Variants in ZBTB26 observed in about 807,000 individuals in gnomAD.
The protein encoded by ZBTB26 is zinc finger and BTB domain-containing protein 26.
A neutral mutation model predicts 31.6 loss-of-function variants in ZBTB26; 12 were observed. That is an observed-to-expected ratio of 0.38 (90% CI 0.24 to 0.61). The LOEUF (loss-of-function observed/expected upper bound fraction) is 0.61. Among genes scored for constraint, ZBTB26 ranks in the 20% least tolerant of loss-of-function variants. The pLI is 0.60. For missense variants in ZBTB26, 311 were observed against 521.9 expected (o/e 0.60, Z 3.94); for synonymous variants, 155 against 182.9 (o/e 0.85, Z 1.23).
chr9:122,925,983 C>A (rs532375562), intron 1 of ZBTB26, among the ~76,000 whole-genome samples: 2 of 152,014 alleles, frequency 1.3e-5, no homozygotes, highest in Admixed American at 1.3e-4. Context: ...TGGTCTCGAA[C>A]TCCCGACCCG....
At chr9:122,924,544 G>A (rs934566834) in intron 1 of ZBTB26, among the ~76,000 whole-genome samples, 2 of 151,676 alleles carry the variant, frequency 1.3e-5, no homozygotes, top group African/African-American at 4.8e-5. Flanking sequence ...CTTCTTTTGA[G>A]TGCCTAGGGA....
Position 122,918,430 on chromosome 9 carries a change from G to A in ZBTB26, c.*179C>T. ...AACTCAAAACAGAAAATGGGAGAGG[G>A]CAAAAGTAAGGCAAATCCACTCCAA... On this transcript the variant is annotated 3_prime_UTR_variant, in exon 2 of 2. Coordinates refer to ENST00000373656, the MANE Select transcript of ZBTB26 (RefSeq NM_020924.4). 1 of 838,092 alleles carries A rather than the reference G, an allele frequency of 1.2e-6. No homozygotes were observed. The highest frequency in any genetic ancestry group is 1.8e-6 in the Non-Finnish European group (1 of 561,882). The allele number at this position is 838,092 out of a possible 1,614,324, so 51.9% of individuals were successfully genotyped here.
chr9:122,916,574 A>G lies in ZBTB26; in HGVS notation c.*2035T>C, dbSNP rs1833019906. Reference sequence around the variant, plus strand: ...CCCTGTGAAGAAATGATGTTGACAGAAAATACCAAAAAATGCTGTTTGGTT... The same window carrying G: ...CCCTGTGAAGAAATGATGTTGACAGGAAATACCAAAAAATGCTGTTTGGTT... On this transcript the variant is annotated 3_prime_UTR_variant, in exon 2 of 2. Coordinates refer to ENST00000373656, the MANE Select transcript of ZBTB26 (RefSeq NM_020924.4). 1 of 152,226 alleles carries G rather than the reference A, an allele frequency of 6.6e-6. No homozygotes were observed. The highest frequency in any genetic ancestry group is 1.5e-5 in the Non-Finnish European group (1 of 68,046). The allele number at this position is 152,226 out of a possible 1,614,324, so 9.4% of individuals were successfully genotyped here.
At chr9:122,920,194 C>A (rs1054782705) in intron 1 of ZBTB26, among the ~76,000 whole-genome samples, 1 of 152,210 alleles carries the variant, frequency 6.6e-6, no homozygotes, top group African/African-American at 2.4e-5. Flanking sequence ...GGCATTCGTT[C>A]AACTTTTAAA....
Position 122,919,504 on chromosome 9 carries a change from G to A in ZBTB26, c.431C>T (p.Ala144Val). ...CTGCTGTTCTTTTGACTGGGGAGAA[G>A]CACTCTGTGGTTCACATCCCTCTTT... ...DSKEGCEPQS[A>V]SPQSKEQQGD... is the part of the protein sequence containing the mutation. The change falls in exon 2 of 2, where the codon GCT becomes GTT. Residue 144 changes from alanine to valine, a missense_variant. Coordinates refer to ENST00000373656, the MANE Select transcript of ZBTB26 (RefSeq NM_020924.4). The surrounding 1 kb of genome is among the most constrained non-coding windows in gnomAD (Gnocchi z 6.1). 1.2e-6 allele frequency: 2 copies of A among 1,614,194 alleles called. No individual in the cohort carries two copies. Among genetic ancestry groups the A allele is most frequent in the Non-Finnish European group, 1.7e-6 (2 of 1,180,034 alleles).
At chr9:122,926,591 T>C (rs919369969) in intron 1 of ZBTB26, among the ~76,000 whole-genome samples, 3 of 152,310 alleles carry the variant, frequency 2.0e-5, no homozygotes, top group Non-Finnish European at 4.4e-5. Flanking sequence ...AGAAAATTCA[T>C]TGAGCTGCAC....
In ZBTB26 at chr9:122,918,825, C is replaced by T. The variant is rs1833054862; in HGVS notation, c.1110G>A (p.Arg370=). ...DMVFAHKPVL[R]KHLKQLHGKN... Reference sequence around the variant, plus strand: ...TGCCATGCAGCTGTTTAAGGTGTTTCCTCAAAACTGGTTTATGTGCAAAAA... The same window carrying T: ...TGCCATGCAGCTGTTTAAGGTGTTTTCTCAAAACTGGTTTATGTGCAAAAA... The change falls in exon 2 of 2, where the codon AGG becomes AGA. Residue 370 remains arginine (R), a synonymous_variant. Transcript: ENST00000373656. 3.1e-6 allele frequency: 5 copies of T among 1,614,094 alleles called. No individual in the cohort carries two copies. The highest frequency in any genetic ancestry group is 4.2e-6 in the Non-Finnish European group (5 of 1,180,010).
At chr9:122,928,988 A>G (rs1010313698) in intron 1 of ZBTB26, among the ~76,000 whole-genome samples, 2 of 152,248 alleles carry the variant, frequency 1.3e-5, no homozygotes, top group African/African-American at 2.4e-5. Flanking sequence ...GACATTTCCA[A>G]CAAAGAACTG....
chr9:122,930,626 G>T (rs972428403), intron 1 of ZBTB26, among the ~76,000 whole-genome samples: 1 of 151,994 alleles, frequency 6.6e-6, no homozygotes, highest in African/African-American at 2.4e-5. Flanking sequence ...TCTCCTTTAG[G>T]ATTACACCAT....
rs1833022654 is a variant in ZBTB26, at chr9:122,916,813, C to T, written c.*1796G>A. 6.6e-6 allele frequency: 1 copy of T among 152,196 alleles called. No homozygotes were observed. Among genetic ancestry groups the T allele is most frequent in the Non-Finnish European group, 1.5e-5 (1 of 68,020 alleles). The allele number at this position is 152,196 out of a possible 1,614,324, so 9.4% of individuals were successfully genotyped here. A position where few individuals can be genotyped will look rare whatever the true frequency, so the allele number is the denominator to read the frequency against. ...ATCTGACTCACATGATGATAATTTA[C>T]ATATGATAACAATGATACATGTAAA... On this transcript the variant is annotated 3_prime_UTR_variant, in exon 2 of 2. Transcript: ENST00000373656.
In ZBTB26 at chr9:122,920,191, G is replaced by A. The variant is rs77025524; in HGVS notation, c.-10-247C>T. On this transcript the variant is annotated intron_variant, in intron 1 of 1. Coordinates refer to ENST00000373656, the MANE Select transcript of ZBTB26 (RefSeq NM_020924.4). ...TATTTGTGTAAATAGCTTGGCATTCGTTCAACTTTTAAAGATACTTATACG... is the reference window on the plus strand; with the variant it reads ...TATTTGTGTAAATAGCTTGGCATTCATTCAACTTTTAAAGATACTTATACG... Among the ~76,000 whole-genome samples the A allele has an allele frequency of 5.6e-3, 850 of 152,272 alleles. 6 individuals carry two copies. Among genetic ancestry groups the A allele is most frequent in the African/African-American group, 0.019 (773 of 41,564 alleles).
At chr9:122,928,333 C>T (rs1168159488) in intron 1 of ZBTB26, among the ~76,000 whole-genome samples, 1 of 151,978 alleles carries the variant, frequency 6.6e-6, no homozygotes, top group African/African-American at 2.4e-5. Flanking sequence ...CCAAGTCTCG[C>T]TCTGTTGCCC....
intron 1 of ZBTB26, chr9:122,930,954 C>A (rs971485989): frequency 2.6e-5 from 4 of 152,250 alleles, no homozygotes; most frequent in Non-Finnish European, 5.9e-5. Flanking sequence ...AAAACTGGAA[C>A]AATATCTTGC....
Position 122,919,046 on chromosome 9 carries a change from G to A in ZBTB26, c.889C>T (p.Leu297Phe). 6.2e-7 allele frequency: 1 copy of A among 1,614,214 alleles called. No individual in the cohort carries two copies. The highest frequency in any genetic ancestry group is 8.5e-7 in the Non-Finnish European group (1 of 1,180,040). The change falls in exon 2 of 2, where the codon CTC (leucine) becomes TTC (phenylalanine). Residue 297 changes from leucine to phenylalanine, a missense_variant. Physicochemically the swap from Leu to Phe is conservative, Grantham distance 22. Transcript: ENST00000373656. The surrounding 1 kb of genome is among the most constrained non-coding windows in gnomAD (Gnocchi z 6.1). ...NYANHLKMHK[L>F]FMCLLCGKTF... ...TTGCCGCAGAGTAGACACATAAAGA[G>A]TTTGTGCATTTTTAAATGGTTGGCG...
rs747891706 is a variant in ZBTB26 at position 122,918,993 on chromosome 9, A to G, written c.942T>C (p.His314=). 6.2e-7 allele frequency: 1 copy of G among 1,614,086 alleles called. No individual in the cohort carries two copies. Among genetic ancestry groups the G allele is most frequent in the African/African-American group, 1.3e-5 (1 of 74,934 alleles). Residue 314 remains histidine (H), a synonymous_variant, in exon 2 of 2, where the codon CAT becomes CAC. Coordinates refer to ENST00000373656, the MANE Select transcript of ZBTB26 (RefSeq NM_020924.4). ...GKTFTQKGNL[H]RHMRVHAGIK... is the part of the protein sequence containing the mutation. ...TTCCGGCATGCACACGCATGTGTCG[A>G]TGAAGGTTGCCTTTCTGAGTGAAAG...
At chr9:122,928,627 A>AT (rs1490432825) in intron 1 of ZBTB26, among the ~76,000 whole-genome samples, 1 of 151,728 alleles carries the variant, frequency 6.6e-6, no homozygotes, top group Non-Finnish European at 1.5e-5. Context: ...ATTTTTTGCT[A>AT]TTTTTTTCAA....
In ZBTB26 at chr9:122,917,607, T is replaced by C. The variant is rs1833031646; in HGVS notation, c.*1002A>G. The C allele has an allele frequency of 6.6e-6, 1 of 151,486 alleles. No homozygotes were observed. The highest frequency in any genetic ancestry group is 2.4e-5 in the African/African-American group (1 of 41,406). The allele number at this position is 151,486 out of a possible 1,614,324, so 9.4% of individuals were successfully genotyped here. A position where few individuals can be genotyped will look rare whatever the true frequency, so the allele number is the denominator to read the frequency against. On this transcript the variant is annotated 3_prime_UTR_variant, in exon 2 of 2. Transcript: ENST00000373656. ...CCTTCTGTGTCCAACCTAACTTTTA[T>C]CATCCGTTTTAGAAATTAAGGTACA...
intron 1 of ZBTB26, among the ~76,000 whole-genome samples, chr9:122,927,964 A>G (rs1833208664): frequency 6.6e-6 from 1 of 151,740 alleles, no homozygotes; most frequent in Admixed American, 6.6e-5. Context: ...CCTCCTGAGT[A>G]GCTAGGATTA....
chr9:122,921,555 T>A (rs1463796182), intron 1 of ZBTB26, among the ~76,000 whole-genome samples: 1 of 152,200 alleles, frequency 6.6e-6, no homozygotes, highest in Non-Finnish European at 1.5e-5. Context: ...GAGTCCAGGT[T>A]TTATTCTTAT....
Sources: gnomAD v4.1 joint callset for allele counts (sites outside exome capture counted in the v4.1 genomes callset) on GRCh38, gnomAD v4.1.1 for gene constraint, Gnocchi (gnomAD v3.1) non-coding constraint, MANE v1.5 for transcripts, NCBI Gene and HGNC (gene_info 2026-07-23, HGNC 2026-07-21) for gene names.